ZNF443: variants seen among roughly 807,000 people sequenced by gnomAD.
ZNF443 encodes the protein Kruppel-type zinc finger (C2H2).
ZNF443 carries 3 observed loss-of-function variants against 12.0 expected under a neutral mutation model. The observed-to-expected ratio is 0.25, with a 90% CI of 0.11 to 0.64. ZNF443 has a LOEUF of 0.64. ZNF443 is among the 30% of genes least tolerant of loss of function. The pLI is 0.84. For synonymous variants in ZNF443, 225 were observed against 265.9 expected, an observed-to-expected ratio of 0.85 and a Z score of 1.50; for missense variants, 770 against 808.8, an observed-to-expected ratio of 0.95 and a Z score of 0.58.
rs150713091 is a variant in ZNF443 at position 12,431,817 on chromosome 19, T to C, written c.355A>G (p.Asn119Asp). 82 of 1,614,146 alleles carry C rather than the reference T, an allele frequency of 5.1e-5. No individual in the cohort carries two copies. In the East Asian group the frequency reaches 1.6e-3, roughly 32 times the overall value. Residue 119 changes from asparagine to aspartate, a missense_variant, in exon 4 of 4, where the codon AAT (asparagine) becomes GAT (aspartate). By Grantham distance (23) the Asn-to-Asp change is conservative. Coordinates refer to ENST00000301547, the MANE Select transcript of ZNF443 (RefSeq NM_005815.5). ...GEKVMGHSSL[N>D]CYIRVGAGHK... ...CCAGCACCAACTCTGATGTAACAAT[T>C]AAGGGATGAATGACCCATGACTTTT...
At chr19:12,437,846 C>T (rs2862175) in intron 1 of ZNF443, among the ~76,000 whole-genome samples, 49,536 of 151,424 alleles carry the variant, frequency 0.33, 8,491 homozygotes, top group South Asian at 0.47. Context: ...AATCCCAGCA[C>T]TTTAGGAGGC....
In ZNF443 at chr19:12,430,417, C is replaced by T; in HGVS notation, c.1755G>A (p.Glu585=). The T allele has an allele frequency of 6.4e-7, 1 of 1,573,448 alleles. No individual in the cohort carries two copies. The highest frequency in any genetic ancestry group is 8.6e-7 in the Non-Finnish European group (1 of 1,159,020). Residue 585 remains glutamate (E), a synonymous_variant, in exon 4 of 4, where the codon GAG becomes GAA. Transcript: ENST00000301547. ...FLRHERIHMR[E]KSYECPQCGK... is the part of the protein sequence containing the mutation. Reference sequence around the variant, plus strand: ...CACATTGTGGACATTCATAGGATTTCTCTCTCATGTGAATTCTTTCATGTC... The same window carrying T: ...CACATTGTGGACATTCATAGGATTTTTCTCTCATGTGAATTCTTTCATGTC...
chr19:12,431,344 A>G lies in ZNF443; in HGVS notation c.828T>C (p.Thr276=). 2 of 1,614,118 alleles carry G rather than the reference A, an allele frequency of 1.2e-6. No individual in the cohort carries two copies. Among genetic ancestry groups the G allele is most frequent in the East Asian group, 4.5e-5 (2 of 44,880 alleles). Residue 276 remains threonine (T), a synonymous_variant, in exon 4 of 4, where the codon ACT becomes ACC. Transcript: ENST00000301547. ...GCTTACATTTATATGGTTTCTCCCC[A>G]GTATGTGTTCTTTCATGTCTTAGAT... ...SSYLRHERTH[T]GEKPYKCKQC...
intron 1 of ZNF443, among the ~76,000 whole-genome samples, chr19:12,435,337 T>G (rs1970298211): frequency 6.6e-6 from 1 of 152,086 alleles, no homozygotes; most frequent in South Asian, 2.1e-4. Flanking sequence ...TGGCAGGAAC[T>G]GCATGAAAAT....
At position 12,431,622 on chromosome 19, in the gene ZNF443, G is replaced by T; in HGVS notation, c.550C>A (p.Leu184Ile). ...CGKSFSSLGN[L>I]QRHMAVQRGD... ...CGCTGCACTGCCATGTGTCTTTGAA[G>T]GTTTCCCAAAGAACTGAAGGACTTC... is the stretch of plus-strand genomic sequence containing the variant. Residue 184 changes from leucine (L) to isoleucine (I), a missense_variant, in exon 4 of 4, where the codon CTT (leucine) becomes ATT (isoleucine). Transcript: ENST00000301547. 6.2e-7 allele frequency: 1 copy of T among 1,614,114 alleles called. No individual in the cohort carries two copies. The highest frequency in any genetic ancestry group is 8.5e-7 in the Non-Finnish European group (1 of 1,180,008).
rs755797780 is a variant in ZNF443 at position 12,431,239 on chromosome 19, A to G, written c.933T>C (p.Cys311=). The change falls in exon 4 of 4, where the codon TGT becomes TGC. Residue 311 remains cysteine, a synonymous_variant. Coordinates refer to ENST00000301547, the MANE Select transcript of ZNF443 (RefSeq NM_005815.5). ...CACTGAAGGCTTTCCCACATTGTTT[A>G]CATGTATAGGGTTTCTCTCCAGTGT... ...RTHTGEKPYT[C]KQCGKAFSVS... is the part of the protein sequence containing the mutation. 7 of 1,612,738 alleles carry G rather than the reference A, an allele frequency of 4.3e-6. No individual in the cohort carries two copies. The highest frequency in any genetic ancestry group is 5.1e-6 in the Non-Finnish European group (6 of 1,179,620).
Position 12,430,821 on chromosome 19 carries a change from A to C in ZNF443, c.1351T>G (p.Cys451Gly), listed in dbSNP as rs781349065. The C allele has an allele frequency of 6.2e-7, 1 of 1,614,138 alleles. No homozygotes were observed. The highest frequency in any genetic ancestry group is 1.1e-5 in the South Asian group (1 of 91,082). Residue 451 changes from cysteine to glycine, a missense_variant, in exon 4 of 4, where the codon TGT becomes GGT. Cys to Gly is a radical substitution (Grantham distance 159). This residue lies in a region of ZNF443 where 736 missense variants were observed against 689.4 expected (regional missense o/e 1.07). Transcript: ENST00000301547. ...CGGTAGGCTTTGCCACATTGTTTAC[A>C]TTTATAGGGTTTCTCTGCAGTGTGA... ...RTHTAEKPYKCKQCGKAYRIS... is the reference protein window; with the variant it reads ...RTHTAEKPYKGKQCGKAYRIS...
intron 1 of ZNF443, among the ~76,000 whole-genome samples, chr19:12,434,310 C>G (rs1342649676): frequency 6.6e-6 from 1 of 152,126 alleles, no homozygotes; most frequent in Non-Finnish European, 1.5e-5. Context: ...TGTGATTATA[C>G]TTACAGAGAA....
chr19:12,430,530 T>G lies in ZNF443; in HGVS notation c.1642A>C (p.Lys548Gln), dbSNP rs1401777208. The part of the protein sequence containing the change: ...RKAFGHYDNL[K>Q]VHERIHSGEK... ...CCAGAGTGAATTCTTTCATGTACCT[T>G]TAAGTTATCATAATGACCGAAGGCT... The change falls in exon 4 of 4, where the codon AAG (lysine) becomes CAG (glutamine). Residue 548 changes from lysine (K) to glutamine (Q), a missense_variant. By Grantham distance (53) the Lys-to-Gln change is moderately conservative (BLOSUM62 1). Around this residue, in one of 3 missense-constraint regions of ZNF443, gnomAD observed 736 missense variants for 689.4 expected, o/e 1.07. Coordinates refer to ENST00000301547, the MANE Select transcript of ZNF443 (RefSeq NM_005815.5). 1.2e-6 allele frequency: 2 copies of G among 1,614,002 alleles called. No individual in the cohort carries two copies. The highest frequency in any genetic ancestry group is 1.7e-6 in the Non-Finnish European group (2 of 1,179,968).
intron 1 of ZNF443, among the ~76,000 whole-genome samples, chr19:12,440,499 G>A (rs1420614808): frequency 1.3e-5 from 2 of 152,110 alleles, no homozygotes; most frequent in African/African-American, 2.4e-5. Context: ...GCTACACCCA[G>A]CCGCCCCCGT....
rs749687909 is a variant in ZNF443 at position 12,430,623 on chromosome 19, T to G, written c.1549A>C (p.Arg517=). The G allele has an allele frequency of 2.5e-6, 4 of 1,614,064 alleles. No homozygotes were observed. ...GTCCTTTTATGTCGAGAAAGGTATC[T>G]GAAACGACTGAATGCTTTCCCACAT... ...KECGKAFSRF[R]YLSRHKRTHT... is the part of the protein sequence containing the mutation. Residue 517 remains arginine (R), a synonymous_variant, in exon 4 of 4, where the codon AGA becomes CGA. Coordinates refer to ENST00000301547, the MANE Select transcript of ZNF443 (RefSeq NM_005815.5).
Position 12,431,009 on chromosome 19 carries a change from G to C in ZNF443, c.1163C>G (p.Thr388Ser). The C allele has an allele frequency of 6.2e-7, 1 of 1,613,938 alleles. No individual in the cohort carries two copies. The highest frequency in any genetic ancestry group is 1.3e-5 in the African/African-American group (1 of 75,032). The stretch of plus-strand genomic sequence containing the variant: ...CTTGCATTCATAGGGTTTCTCTCCA[G>C]TGTGAGTTCTTTCATGACTTTGCAG... ...SSLQSHERTH[T>S]GEKPYECKQC... The change falls in exon 4 of 4, where the codon ACT (threonine) becomes AGT (serine). Residue 388 changes from threonine to serine, a missense_variant. Physicochemically the swap from Thr to Ser is moderately conservative, Grantham distance 58. Coordinates refer to ENST00000301547, the MANE Select transcript of ZNF443 (RefSeq NM_005815.5).
rs374780459 is a variant in ZNF443 at position 12,431,708 on chromosome 19, G to T, written c.464C>A (p.Ser155Ter). ...GTGAAGCCTCTCATGTGTTTGAAATGAGTTGTGGTAACTGAAGGCTTTCCC... is the reference window on the plus strand; with the variant it reads ...GTGAAGCCTCTCATGTGTTTGAAATTAGTTGTGGTAACTGAAGGCTTTCCC... ...QRGKAFSYHN[S>*]FQTHERLHTG... Residue 155 changes from serine to a stop codon, truncating the protein, a stop_gained, in exon 4 of 4, where the codon TCA (serine) becomes TAA (stop). Transcript: ENST00000301547. LOFTEE classifies it low-confidence loss of function (END_TRUNC). 1 of 1,614,152 alleles carries T rather than the reference G, an allele frequency of 6.2e-7. No homozygotes were observed. Among genetic ancestry groups the T allele is most frequent in the African/African-American group, 1.3e-5 (1 of 75,042 alleles).
chr19:12,435,571 T>C (rs1970300984), intron 1 of ZNF443, among the ~76,000 whole-genome samples: 1 of 152,216 alleles, frequency 6.6e-6, no homozygotes, highest in East Asian at 1.9e-4. Flanking sequence ...AACATTCATT[T>C]TCGCTTCTGG....
intron 1 of ZNF443, among the ~76,000 whole-genome samples, chr19:12,435,791 T>C (rs1261633171): frequency 6.6e-6 from 1 of 151,620 alleles, no homozygotes; most frequent in African/African-American, 2.4e-5. Context: ...AGAACAGAGA[T>C]GTCAGTTTCT....
Position 12,429,762 on chromosome 19 carries a change from C to T in ZNF443, c.*394G>A, listed in dbSNP as rs185144355. 172 of 250,252 alleles carry T rather than the reference C, an allele frequency of 6.9e-4. 1 individual carries two copies. The highest frequency in any genetic ancestry group is 2.8e-4 in the East Asian group (3 of 10,640). 15.5% of individuals were successfully genotyped at this position (250,252 alleles called of 1,614,324 possible). On this transcript the variant is annotated 3_prime_UTR_variant, in exon 4 of 4. Coordinates refer to ENST00000301547, the MANE Select transcript of ZNF443 (RefSeq NM_005815.5). Reference sequence around the variant, plus strand: ...TGGCTGACTACACTATGTTGATAGGCTCACAATTACTGCATCTATACTGAA... The same window carrying T: ...TGGCTGACTACACTATGTTGATAGGTTCACAATTACTGCATCTATACTGAA...
intron 1 of ZNF443, among the ~76,000 whole-genome samples, chr19:12,436,582 C>CA (rs112313207): frequency 0.33 from 48,184 of 146,388 alleles, 7,984 homozygotes; most frequent in South Asian, 0.48. Context: ...TGTGAGCAGC[C>CA]AAAAAAAAAA....
rs770459344 is a variant in ZNF443, at chr19:12,430,617, G to C, written c.1555C>G (p.Leu519Val). The part of the protein sequence containing the change: ...CGKAFSRFRY[L>V]SRHKRTHTGE... ...GTGTGAGTCCTTTTATGTCGAGAAA[G>C]GTATCTGAAACGACTGAATGCTTTC... The change falls in exon 4 of 4, where the codon CTT (leucine) becomes GTT (valine). Residue 519 changes from leucine to valine, a missense_variant. By Grantham distance (32) the Leu-to-Val change is conservative. Coordinates refer to ENST00000301547, the MANE Select transcript of ZNF443 (RefSeq NM_005815.5). 21 of 1,610,394 alleles carry C rather than the reference G, an allele frequency of 1.3e-5. No homozygotes were observed. The highest frequency in any genetic ancestry group is 1.4e-5 in the Non-Finnish European group (17 of 1,178,754).
At chr19:12,436,553 T>A (rs1277392784) in intron 1 of ZNF443, among the ~76,000 whole-genome samples, 1 of 151,490 alleles carries the variant, frequency 6.6e-6, no homozygotes, top group Non-Finnish European at 1.5e-5. Flanking sequence ...TGAAGACATC[T>A]TCACAAGTGT....
Sources: gnomAD v4.1 joint callset for allele counts (sites outside exome capture counted in the v4.1 genomes callset) on GRCh38, gnomAD v4.1.1 for gene constraint, gnomAD v4.1.1 regional missense constraint, MANE v1.5 for transcripts, NCBI Gene and HGNC (gene_info 2026-07-23, HGNC 2026-07-21) for gene names.